Variants in OR6N1 observed in about 807,000 individuals in gnomAD.
The protein encoded by OR6N1 is olfactory receptor family 6 subfamily N member 1, also known as olfactory receptor 6N1.
For missense variants in OR6N1, 394 were observed against 371.7 expected (o/e 1.06, Z -0.49); for synonymous variants, 170 against 150.7 (o/e 1.13, Z -0.94).
At chr1:158,834,443 A>G in the OR6N1 span, among the ~76,000 whole-genome samples, 7 of 151,736 alleles carry the variant, frequency 4.6e-5, no homozygotes, top group Non-Finnish European at 1.0e-4. Context: ...GTGTTTATCA[A>G]TTTTTATCAC....
chr1:158,783,805 T>A, the OR6N1 span, among the ~76,000 whole-genome samples: 1 of 152,116 alleles, frequency 6.6e-6, no homozygotes, highest in African/African-American at 2.4e-5. Flanking sequence ...GTTGAATGCA[T>A]TAATTAAGAA....
At chr1:158,773,080 T>A (rs1023056544), upstream of OR6N1, among the ~76,000 whole-genome samples, 1 of 151,948 alleles carries the variant, frequency 6.6e-6, no homozygotes, top group Non-Finnish European at 1.5e-5. Flanking sequence ...ATGAGAAGAA[T>A]TAAATAATTT....
In OR6N1 at chr1:158,764,251, T is replaced by C. The variant is rs576773188; in HGVS notation, c.*1493A>G. 291 of 151,564 alleles carry C rather than the reference T, an allele frequency of 1.9e-3. 3 individuals are homozygous for C. Among genetic ancestry groups the C allele is most frequent in the African/African-American group, 6.9e-3 (286 of 41,508 alleles). 9.4% of individuals were successfully genotyped at this position (151,564 alleles called of 1,614,324 possible). On this transcript the variant is annotated 3_prime_UTR_variant, in exon 2 of 2. Transcript: ENST00000641846. ...TTTTGAATTCCTGGTGATTATTTAA[T>C]GTAAAAACATTTATCTGCTTAAAAT...
At chr1:158,829,712 C>G in the OR6N1 span, among the ~76,000 whole-genome samples, 1 of 152,218 alleles carries the variant, frequency 6.6e-6, no homozygotes, top group South Asian at 2.1e-4. Context: ...CAATGCCCTA[C>G]TCCTGGTACC....
the OR6N1 span, among the ~76,000 whole-genome samples, chr1:158,814,732 C>A: frequency 6.6e-6 from 1 of 152,120 alleles, no homozygotes; most frequent in African/African-American, 2.4e-5. Flanking sequence ...CCTCTTAGTA[C>A]CCCTTGGGGT....
At chr1:158,820,253 G>T in the OR6N1 span, among the ~76,000 whole-genome samples, 3 of 152,196 alleles carry the variant, frequency 2.0e-5, no homozygotes, top group African/African-American at 7.2e-5. Flanking sequence ...TTCCAGCGTG[G>T]GCGTCAAGGC....
chr1:158,808,157 A>G, the OR6N1 span, among the ~76,000 whole-genome samples: 1 of 89,550 alleles, frequency 1.1e-5, no homozygotes, highest in African/African-American at 4.5e-5. Flanking sequence ...TTTTTTTTTA[A>G]GACGGAGTCT....
At chr1:158,778,892 C>A in the OR6N1 span, among the ~76,000 whole-genome samples, 1 of 151,678 alleles carries the variant, frequency 6.6e-6, no homozygotes, top group Non-Finnish European at 1.5e-5. Flanking sequence ...GTGGCGGGCA[C>A]CTGCAGTTCC....
Position 158,765,618 on chromosome 1 carries a change from A to G in OR6N1, c.*126T>C. On this transcript the variant is annotated 3_prime_UTR_variant, in exon 2 of 2. Transcript: ENST00000641846. ...GCTATAACACTGGAAGTCAGTCAGCACTTGCTGCAGCTCCACCACCCCACA... is the reference window on the plus strand; with the variant it reads ...GCTATAACACTGGAAGTCAGTCAGCGCTTGCTGCAGCTCCACCACCCCACA... The G allele has an allele frequency of 1.3e-6, 1 of 781,898 alleles. No individual in the cohort carries two copies. The highest frequency in any genetic ancestry group is 2.4e-5 in the Admixed American group (1 of 41,682). 48.4% of individuals were successfully genotyped at this position (781,898 alleles called of 1,614,324 possible).
At chr1:158,811,987 T>G in the OR6N1 span, among the ~76,000 whole-genome samples, 1 of 152,216 alleles carries the variant, frequency 6.6e-6, no homozygotes, top group African/African-American at 2.4e-5. Context: ...TCTCCTGCCT[T>G]AAGCCAAGAT....
the OR6N1 span, among the ~76,000 whole-genome samples, chr1:158,837,049 TA>T: frequency 5.9e-5 from 9 of 151,932 alleles, no homozygotes; most frequent in South Asian, 4.1e-4. Context: ...TCCATTATGA[TA>T]AAAAAATATA....
intron 1 of OR6N1, among the ~76,000 whole-genome samples, chr1:158,770,269 C>A (rs1379595552): frequency 6.6e-6 from 1 of 152,126 alleles, no homozygotes; most frequent in South Asian, 2.1e-4. Context: ...TCATTAATGA[C>A]CTGCTGTTGT....
chr1:158,804,323 G>A, the OR6N1 span, among the ~76,000 whole-genome samples: 1 of 152,060 alleles, frequency 6.6e-6, no homozygotes, highest in African/African-American at 2.4e-5. Flanking sequence ...GGCACACTTG[G>A]TTCATCTGGG....
chr1:158,789,607 C>G, the OR6N1 span, among the ~76,000 whole-genome samples: 8 of 152,072 alleles, frequency 5.3e-5, no homozygotes, highest in Non-Finnish European at 4.4e-5. Context: ...CTTTTTATTT[C>G]TATAACTCCT....
Position 158,765,640 on chromosome 1 carries a change from C to A in OR6N1, c.*104G>T. 3 of 925,674 alleles carry A rather than the reference C, an allele frequency of 3.2e-6. No homozygotes were observed. Among genetic ancestry groups the A allele is most frequent in the Non-Finnish European group, 5.0e-6 (3 of 599,718 alleles). The allele number at this position is 925,674 out of a possible 1,614,324, so 57.3% of individuals were successfully genotyped here. A position where few individuals can be genotyped will look rare whatever the true frequency, so the allele number is the denominator to read the frequency against. On this transcript the variant is annotated 3_prime_UTR_variant, in exon 2 of 2. Coordinates refer to ENST00000641846, the MANE Select transcript of OR6N1 (RefSeq NM_001005185.2). Reference sequence around the variant, plus strand: ...AGCACTTGCTGCAGCTCCACCACCCCACATAGAAAAGCACTGAATTTTTAG... The same window carrying A: ...AGCACTTGCTGCAGCTCCACCACCCAACATAGAAAAGCACTGAATTTTTAG...
the OR6N1 span, among the ~76,000 whole-genome samples, chr1:158,834,004 C>T: frequency 6.6e-6 from 1 of 152,126 alleles, no homozygotes; most frequent in African/African-American, 2.4e-5. Flanking sequence ...TCATCCTCAC[C>T]AACACTGGTT....
At chr1:158,807,039 A>G in the OR6N1 span, among the ~76,000 whole-genome samples, 1 of 150,904 alleles carries the variant, frequency 6.6e-6, no homozygotes, top group African/African-American at 2.4e-5. Context: ...CTGTAAGCAT[A>G]GAATCAAAAC....
chr1:158,769,582 G>A (rs1657364593), intron 1 of OR6N1, among the ~76,000 whole-genome samples: 1 of 152,208 alleles, frequency 6.6e-6, no homozygotes, highest in Non-Finnish European at 1.5e-5. Context: ...AGTTATGAAA[G>A]ACACCGAGTC....
At chr1:158,776,784 C>A, upstream of OR6N1, 2 of 1,613,918 alleles carry the variant, frequency 1.2e-6, no homozygotes, top group South Asian at 2.2e-5. Flanking sequence ...TTGGATTGAC[C>A]ATTGGTGTTA....
Sources: gnomAD v4.1 joint callset for allele counts (sites outside exome capture counted in the v4.1 genomes callset) on GRCh38, gnomAD v4.1.1 for gene constraint, MANE v1.5 for transcripts, NCBI Gene and HGNC (gene_info 2026-07-23, HGNC 2026-07-21) for gene names.